The following FAM78B variants were observed in gnomAD, a reference collection of about 807,000 sequenced individuals.
The protein encoded by FAM78B is protein FAM78B.
In FAM78B, 10 loss-of-function variants were observed where a neutral mutation model predicts 20.0. The observed-to-expected ratio is 0.50, with a 90% CI of 0.31 to 0.85. The LOEUF (loss-of-function observed/expected upper bound fraction) is 0.85. Among genes scored for constraint, FAM78B ranks in the 40% least tolerant of loss-of-function variants. The pLI is 0.05. For missense variants in FAM78B, 283 were observed against 345.0 expected (o/e 0.82, Z 1.42); for synonymous variants, 135 against 132.8 (o/e 1.02, Z -0.12).
At chr1:166,102,388 C>T (rs1418719180) in intron 1 of FAM78B, among the ~76,000 whole-genome samples, 1 of 152,152 alleles carries the variant, frequency 6.6e-6, no homozygotes, top group Non-Finnish European at 1.5e-5. Flanking sequence ...GGGCTAAATG[C>T]TCCAATTAAA....
intron 1 of FAM78B, among the ~76,000 whole-genome samples, chr1:166,101,001 A>C (rs560486841): frequency 1.3e-5 from 2 of 152,228 alleles, no homozygotes; most frequent in South Asian, 4.1e-4. Flanking sequence ...AAACTTCCAG[A>C]GGAATGATCA....
intron 2 of FAM78B, chr1:166,060,683 CAT>C: frequency 7.8e-7 from 1 of 1,277,880 alleles, no homozygotes; most frequent in Non-Finnish European, 1.0e-6. Flanking sequence ...GACATGGAAA[CAT>C]GTAAATAAAG....
At chr1:166,138,539 T>C (rs1038805341) in intron 1 of FAM78B, among the ~76,000 whole-genome samples, 5 of 152,146 alleles carry the variant, frequency 3.3e-5, no homozygotes, top group Admixed American at 2.6e-4. Flanking sequence ...TTAGTGGTGT[T>C]AGAATAAAGA....
chr1:166,074,927 T>C (rs888695296), intron 1 of FAM78B, among the ~76,000 whole-genome samples: 18 of 152,110 alleles, frequency 1.2e-4, no homozygotes, highest in African/African-American at 4.1e-4. Flanking sequence ...GTGAAGGAAA[T>C]GGCATATGAA....
At chr1:166,157,340 G>A (rs1312172610) in intron 1 of FAM78B, among the ~76,000 whole-genome samples, 1 of 151,602 alleles carries the variant, frequency 6.6e-6, no homozygotes, top group East Asian at 1.9e-4. Context: ...AATCCGTATG[G>A]CATTAGGATG....
intron 1 of FAM78B, among the ~76,000 whole-genome samples, chr1:166,156,256 A>C (rs1404091050): frequency 4.6e-5 from 7 of 152,194 alleles, no homozygotes; most frequent in African/African-American, 1.7e-4. Flanking sequence ...ACAGCCTGAA[A>C]ATTTCTCTTT....
intron 1 of FAM78B, among the ~76,000 whole-genome samples, chr1:166,104,178 A>G (rs1653666857): frequency 6.6e-6 from 1 of 152,208 alleles, no homozygotes; most frequent in African/African-American, 2.4e-5. Context: ...AACTCTCAAT[A>G]AATTAGGTAT....
At chr1:166,092,470 T>C (rs1300807392) in intron 1 of FAM78B, among the ~76,000 whole-genome samples, 3 of 152,230 alleles carry the variant, frequency 2.0e-5, no homozygotes, top group African/African-American at 7.2e-5. Flanking sequence ...CTACCCTGCC[T>C]CTTCTCTTCT....
In FAM78B at chr1:166,071,552, AC is replaced by A. The variant is rs375268495; in HGVS notation, c.264-790del. Among the ~76,000 whole-genome samples, 4 of 152,180 alleles carry A rather than the reference AC, an allele frequency of 2.6e-5. No homozygotes were observed. In the East Asian group the frequency reaches 5.8e-4, roughly 22 times the overall value. On this transcript the variant is annotated intron_variant, in intron 1 of 1. Transcript: ENST00000354422. ...AGGAGGAGGAGGAACCAATGTCTCT[AC>A]CCCCTGCTGTAGACTGTTGCTAATA...
chr1:166,130,038 C>G (rs1654816531), intron 1 of FAM78B, among the ~76,000 whole-genome samples: 1 of 152,250 alleles, frequency 6.6e-6, no homozygotes, highest in African/African-American at 2.4e-5. Context: ...ACCAGCCTAT[C>G]TCTGTCTACT....
At chr1:166,075,102 G>A (rs946647656) in intron 1 of FAM78B, among the ~76,000 whole-genome samples, 6 of 152,168 alleles carry the variant, frequency 3.9e-5, no homozygotes, top group Admixed American at 6.5e-5. Flanking sequence ...CTTCAATAAC[G>A]GGTTTAGGCA....
chr1:166,121,972 A>G (rs1654479626), intron 1 of FAM78B, among the ~76,000 whole-genome samples: 1 of 152,160 alleles, frequency 6.6e-6, no homozygotes, highest in South Asian at 2.1e-4. Flanking sequence ...ACTACGGAGC[A>G]CCCATTGTGT....
intron 1 of FAM78B, among the ~76,000 whole-genome samples, chr1:166,146,685 C>A (rs1655470247): frequency 1.3e-5 from 2 of 152,124 alleles, no homozygotes; most frequent in Non-Finnish European, 2.9e-5. Context: ...TAAGCTGATG[C>A]TCAAATTCAG....
chr1:166,076,900 C>T (rs1411285644), intron 1 of FAM78B, among the ~76,000 whole-genome samples: 1 of 152,076 alleles, frequency 6.6e-6, no homozygotes, highest in Admixed American at 6.6e-5. Flanking sequence ...AATTTGGCAA[C>T]CATCTGCATG....
chr1:166,063,637 A>G (rs889434829), intron 2 of FAM78B, among the ~76,000 whole-genome samples: 2 of 152,026 alleles, frequency 1.3e-5, no homozygotes, highest in African/African-American at 2.4e-5. Flanking sequence ...GAAGCAAACA[A>G]TCTCTCCTCC....
At chr1:166,121,432 GTC>G (rs2101768887) in intron 1 of FAM78B, among the ~76,000 whole-genome samples, 1 of 152,302 alleles carries the variant, frequency 6.6e-6, no homozygotes, top group East Asian at 1.9e-4. Context: ...GCTCTATACT[GTC>G]TAAGCAGGGA....
intron 1 of FAM78B, among the ~76,000 whole-genome samples, chr1:166,144,005 T>C (rs1288605076): frequency 6.6e-6 from 1 of 152,100 alleles, no homozygotes; most frequent in Non-Finnish European, 1.5e-5. Context: ...ACACATCTGA[T>C]GACAATAAAA....
intron 1 of FAM78B, among the ~76,000 whole-genome samples, chr1:166,088,273 G>C (rs1159749565): frequency 6.6e-6 from 1 of 152,186 alleles, no homozygotes; most frequent in East Asian, 1.9e-4. Context: ...TCTGTATTCA[G>C]GAGCCCATCA....
intron 1 of FAM78B, among the ~76,000 whole-genome samples, chr1:166,156,986 G>A (rs1295541499): frequency 7.4e-6 from 1 of 135,150 alleles, no homozygotes; most frequent in Non-Finnish European, 1.5e-5. Context: ...CAGCTTAGAG[G>A]AGAACAAGGA....
Sources: allele counts gnomAD v4.1 joint callset (sites outside exome capture counted in the v4.1 genomes callset), GRCh38; gene constraint gnomAD v4.1.1; transcripts MANE v1.5; gene names NCBI Gene and HGNC (gene_info 2026-07-23, HGNC 2026-07-21).